The following ARHGEF6 variants were observed in gnomAD, a reference collection of about 807,000 sequenced individuals.
ARHGEF6 encodes rho guanine nucleotide exchange factor 6.
Under a neutral mutation model 70.3 loss-of-function variants are expected in ARHGEF6, and 9 were observed. The ratio of observed to expected loss-of-function variants is 0.13; its 90% CI spans 0.08 to 0.22. The LOEUF (loss-of-function observed/expected upper bound fraction) is 0.22. Among genes scored for constraint, ARHGEF6 ranks in the 10% least tolerant of loss-of-function variants. ARHGEF6 has a pLI of 1.00. For synonymous variants in ARHGEF6, 201 were observed against 207.8 expected (o/e 0.97, Z 0.28); for missense variants, 470 against 563.0 (o/e 0.83, Z 1.67).
intron 6 of ARHGEF6, among the ~76,000 whole-genome samples, chrX:136,715,003 T>C (rs1228245606): frequency 1.8e-5 from 2 of 112,079 alleles, no homozygotes; most frequent in African/African-American, 6.5e-5. Flanking sequence ...ATCATTGCCA[T>C]GACATTGCCA....
At chrX:136,744,808 A>G (rs1466229816) in intron 4 of ARHGEF6, among the ~76,000 whole-genome samples, 1 of 112,287 alleles carries the variant, frequency 8.9e-6, no homozygotes, top group Admixed American at 9.4e-5. Context: ...TAGGAATGGA[A>G]AGAGAAAAAT....
chrX:136,771,442 T>C (rs1416652452), intron 2 of ARHGEF6, among the ~76,000 whole-genome samples: 1 of 112,278 alleles, frequency 8.9e-6, no homozygotes, highest in Admixed American at 9.4e-5. Context: ...TAAAACTTAC[T>C]ACGTAGCTAC....
intron 5 of ARHGEF6, among the ~76,000 whole-genome samples, chrX:136,732,705 A>T (rs1232625463): frequency 8.9e-6 from 1 of 112,014 alleles, no homozygotes; most frequent in Non-Finnish European, 1.9e-5. Flanking sequence ...ATTTTGCCCA[A>T]CTGTAGGCTA....
At chrX:136,698,923 A>G (rs2076538048) in intron 9 of ARHGEF6, among the ~76,000 whole-genome samples, 1 of 112,249 alleles carries the variant, frequency 8.9e-6, no homozygotes, top group African/African-American at 3.2e-5. Context: ...AAAATTTTAT[A>G]ATTTCATTGT....
chrX:136,737,590 A>G, intron 5 of ARHGEF6: 1 of 632,163 alleles, frequency 1.6e-6, no homozygotes, highest in Non-Finnish European at 1.9e-6. Context: ...ACGGTGGCTC[A>G]CCTCTGTAAT....
chrX:136,753,763 G>C (rs1462602583), intron 2 of ARHGEF6, among the ~76,000 whole-genome samples: 1 of 112,127 alleles, frequency 8.9e-6, no homozygotes, highest in East Asian at 2.8e-4. Context: ...AGCAAAGAGA[G>C]TCTAGGGTAT....
At chrX:136,691,925 C>T (rs1262151417) in intron 9 of ARHGEF6, among the ~76,000 whole-genome samples, 1 of 111,981 alleles carries the variant, frequency 8.9e-6, no homozygotes, top group Non-Finnish European at 1.9e-5. Flanking sequence ...AAGTGACCTA[C>T]TTATTCTCCC....
chrX:136,748,690 G>A (rs1021379421), intron 2 of ARHGEF6, among the ~76,000 whole-genome samples: 1 of 111,636 alleles, frequency 9.0e-6, no homozygotes, highest in African/African-American at 3.3e-5. Context: ...TTCCCCAAAT[G>A]TGGTGATGGA....
At chrX:136,772,872 GACA>G (rs1476675397) in intron 2 of ARHGEF6, among the ~76,000 whole-genome samples, 1 of 111,562 alleles carries the variant, frequency 9.0e-6, no homozygotes, top group Non-Finnish European at 1.9e-5. Flanking sequence ...CAAACAAACA[GACA>G]ACAACAACAA....
At chrX:136,745,497 C>T (rs2077087124) in intron 3 of ARHGEF6, 150 bp from the exon 4 acceptor site, 2 of 770,196 alleles carry the variant, frequency 2.6e-6, no homozygotes, top group African/African-American at 2.1e-5. Context: ...GTATTTCAAT[C>T]CCCCTTCCCT....
chrX:136,674,493 T>G (rs928363462), intron 19 of ARHGEF6, among the ~76,000 whole-genome samples: 1 of 112,725 alleles, frequency 8.9e-6, no homozygotes, highest in African/African-American at 3.2e-5. Context: ...ATCAACTTTA[T>G]ACATTTTGGA....
At chrX:136,743,263 G>A (rs779613011) in intron 5 of ARHGEF6, among the ~76,000 whole-genome samples, 1 of 89,676 alleles carries the variant, frequency 1.1e-5, no homozygotes, top group Admixed American at 1.1e-4. Context: ...GTAAGTTTTA[G>A]AGTGGTGAGA....
At chrX:136,693,602 C>A (rs2076479988) in intron 9 of ARHGEF6, among the ~76,000 whole-genome samples, 1 of 111,877 alleles carries the variant, frequency 8.9e-6, no homozygotes, top group African/African-American at 3.3e-5. Flanking sequence ...AGAAGCAGTT[C>A]TCAGTGTATA....
At chrX:136,673,805 A>G (rs2076250098) in intron 19 of ARHGEF6, among the ~76,000 whole-genome samples, 1 of 110,680 alleles carries the variant, frequency 9.0e-6, no homozygotes, top group African/African-American at 3.3e-5. Context: ...TTCACATTGA[A>G]TCATTGAATG....
At chrX:136,710,460 G>A (rs1000990695) in intron 7 of ARHGEF6, among the ~76,000 whole-genome samples, 1 of 107,000 alleles carries the variant, frequency 9.3e-6, no homozygotes, top group Non-Finnish European at 1.9e-5. Context: ...ATAAAAAACT[G>A]CCAGTTCCTC....
In ARHGEF6 at chrX:136,676,732, G is replaced by A. The variant is rs1166323288; in HGVS notation, c.1852-15C>T. 9.0e-7 allele frequency: 1 copy of A among 1,108,059 alleles called. No homozygotes were observed. Among genetic ancestry groups the A allele is most frequent in the Non-Finnish European group, 1.2e-6 (1 of 801,495 alleles). 91.3% of individuals were successfully genotyped at this position (1,108,059 alleles called of 1,213,427 possible). On this transcript the variant is annotated splice_polypyrimidine_tract_variant and intron_variant, in intron 17 of 21. Transcript: ENST00000250617. ...TTACTAGACTCCTGTGAGGACAGAG[G>A]TTTCTTAATGAATTAAAATTCTCCC...
rs187142585 is a variant in ARHGEF6, at chrX:136,751,500, C to T, written c.250-3908G>A. On this transcript the variant is annotated intron_variant, in intron 2 of 21. Transcript: ENST00000250617. Reference sequence around the variant, plus strand: ...TGGCACCACGCTTGGACATCACATACATATTGCTATGATCTGAATGTTTGT... The same window carrying T: ...TGGCACCACGCTTGGACATCACATATATATTGCTATGATCTGAATGTTTGT... Among the ~76,000 whole-genome samples, 36 of 111,865 alleles carry T rather than the reference C, an allele frequency of 3.2e-4. No individual in the cohort carries two copies. The South Asian group carries it at 0.011, about 35-fold the overall frequency.
intron 5 of ARHGEF6, among the ~76,000 whole-genome samples, chrX:136,733,559 ATTC>A (rs1212202993): frequency 1.8e-5 from 2 of 111,980 alleles, no homozygotes; most frequent in Non-Finnish European, 3.8e-5. Flanking sequence ...CAGTTTTATA[ATTC>A]TTCTATTACA....
At chrX:136,718,894 T>C (rs1042215196) in intron 6 of ARHGEF6, among the ~76,000 whole-genome samples, 2 of 107,651 alleles carry the variant, frequency 1.9e-5, no homozygotes, top group African/African-American at 6.8e-5. Context: ...AGTAGCTATA[T>C]AAAAGGCCAT....
Sources: gnomAD v4.1 joint callset for allele counts (sites outside exome capture counted in the v4.1 genomes callset) on GRCh38, gnomAD v4.1.1 for gene constraint, MANE v1.5 for transcripts, NCBI Gene and HGNC (gene_info 2026-07-23, HGNC 2026-07-21) for gene names.